SEMA5A: variants seen among roughly 807,000 people sequenced by gnomAD.
The protein encoded by SEMA5A is semaphorin 5A.
Under a neutral mutation model 135.5 loss-of-function variants are expected in SEMA5A, and 55 were observed. The observed-to-expected ratio is 0.41, with a 90% CI of 0.33 to 0.51. SEMA5A has a LOEUF of 0.51. Ranked by LOEUF, SEMA5A falls within the 20% of genes least tolerant of loss-of-function variation. SEMA5A has a pLI of 0.37. For synonymous variants in SEMA5A, 580 were observed against 546.5 expected (o/e 1.06, Z -0.85); for missense variants, 1,290 against 1,419.9 (o/e 0.91, Z 1.47).
chr5:9,315,976 A>C (rs2150661759), intron 5 of SEMA5A, among the ~76,000 whole-genome samples: 1 of 152,276 alleles, frequency 6.6e-6, no homozygotes, highest in Middle Eastern at 3.4e-3. Context: ...TTTTGCCTAA[A>C]TCGATTTTTA....
intron 1 of SEMA5A, among the ~76,000 whole-genome samples, chr5:9,502,232 T>A (rs1056625829): frequency 3.0e-4 from 45 of 152,180 alleles, no homozygotes; most frequent in African/African-American, 9.9e-4. Context: ...AGGGTTTATT[T>A]CTCTGTAGCA....
chr5:9,182,846 G>T (rs990812313), intron 11 of SEMA5A, among the ~76,000 whole-genome samples: 12 of 152,080 alleles, frequency 7.9e-5, no homozygotes, highest in African/African-American at 2.9e-4. Flanking sequence ...TCTCCAGGAT[G>T]TATAGATAGT....
chr5:9,471,234 C>T (rs138436753), intron 1 of SEMA5A, among the ~76,000 whole-genome samples: 7 of 152,082 alleles, frequency 4.6e-5, no homozygotes, highest in Admixed American at 1.3e-4. Flanking sequence ...TGAGGATGAA[C>T]GAGTGATGGG....
At chr5:9,544,130 T>C (rs990004940) in intron 1 of SEMA5A, among the ~76,000 whole-genome samples, 8 of 152,166 alleles carry the variant, frequency 5.3e-5, no homozygotes, top group Admixed American at 3.9e-4. Context: ...ACAGACTACC[T>C]CTATAATTAA....
chr5:9,213,210 C>T (rs565300691), intron 8 of SEMA5A, among the ~76,000 whole-genome samples: 18 of 152,326 alleles, frequency 1.2e-4, no homozygotes, highest in African/African-American at 4.3e-4. Context: ...TAACCTACGA[C>T]TTTTGGGAGG....
At chr5:9,055,881 A>T (rs941859857) in intron 18 of SEMA5A, among the ~76,000 whole-genome samples, 1 of 2,484 alleles carries the variant, frequency 4.0e-4, no homozygotes, top group Non-Finnish European at 7.8e-4. Context: ...TTAAAAATTA[A>T]AAAAAAAAAA....
rs1225742102 is a variant in SEMA5A, at chr5:9,190,285, T to C, written c.1255A>G (p.Ile419Val). The C allele has an allele frequency of 1.9e-6, 3 of 1,613,944 alleles. No individual in the cohort carries two copies. Among genetic ancestry groups the C allele is most frequent in the African/African-American group, 1.3e-5 (1 of 74,910 alleles). ...VVQGREALVH[I>V]IYLATDYGTI... is the part of the protein sequence containing the mutation. ...CTCCTACCTGTGGCCAAATAGATGA[T>C]GTGGACGAGCGCTTCTCTGCCCTGC... The change falls in exon 11 of 23, where the codon ATC (isoleucine) becomes GTC (valine). Residue 419 changes from isoleucine (I) to valine (V), a missense_variant. Ile to Val is a conservative substitution (Grantham distance 29). Transcript: ENST00000382496.
intron 16 of SEMA5A, among the ~76,000 whole-genome samples, chr5:9,107,895 C>G (rs1246989053): frequency 6.6e-6 from 1 of 152,022 alleles, no homozygotes; most frequent in Non-Finnish European, 1.5e-5. Context: ...CTGGACATGT[C>G]ATATTTATAG....
chr5:9,080,138 G>A (rs1038329314), intron 16 of SEMA5A, among the ~76,000 whole-genome samples: 1 of 152,118 alleles, frequency 6.6e-6, no homozygotes, highest in African/African-American at 2.4e-5. Flanking sequence ...CAAAGACCTG[G>A]AAACAACCCA....
intron 11 of SEMA5A, among the ~76,000 whole-genome samples, chr5:9,182,116 A>G (rs1340140736): frequency 6.6e-6 from 1 of 150,514 alleles, no homozygotes; most frequent in Non-Finnish European, 1.5e-5. Context: ...TTCCTATTTA[A>G]CATTTAATGC....
At chr5:9,255,588 C>G (rs1014822711) in intron 5 of SEMA5A, among the ~76,000 whole-genome samples, 4 of 152,178 alleles carry the variant, frequency 2.6e-5, no homozygotes, top group African/African-American at 9.6e-5. Flanking sequence ...CTCATCCTGT[C>G]CAGGTTTTCT....
chr5:9,336,111 C>G (rs1410354027), intron 4 of SEMA5A, among the ~76,000 whole-genome samples: 1 of 152,018 alleles, frequency 6.6e-6, no homozygotes, highest in Non-Finnish European at 1.5e-5. Context: ...TGGGAGTTTA[C>G]CAAGCAGATA....
chr5:9,209,310 C>T (rs960795794), intron 8 of SEMA5A, among the ~76,000 whole-genome samples: 5 of 152,182 alleles, frequency 3.3e-5, no homozygotes, highest in Non-Finnish European at 7.3e-5. Flanking sequence ...CCAAATCACA[C>T]ACTCCTATTA....
At chr5:9,067,512 A>G (rs1442964377) in intron 16 of SEMA5A, among the ~76,000 whole-genome samples, 2 of 152,232 alleles carry the variant, frequency 1.3e-5, no homozygotes, top group Non-Finnish European at 2.9e-5. Flanking sequence ...AGTGATGGCC[A>G]CAGGATTAAA....
At chr5:9,445,801 A>C (rs992437857) in intron 1 of SEMA5A, among the ~76,000 whole-genome samples, 19 of 152,238 alleles carry the variant, frequency 1.2e-4, no homozygotes, top group African/African-American at 4.6e-4. Context: ...GTGATGACAC[A>C]TGACCTCACA....
At chr5:9,326,781 T>A (rs967557743) in intron 4 of SEMA5A, among the ~76,000 whole-genome samples, 13 of 152,054 alleles carry the variant, frequency 8.5e-5, no homozygotes, top group Non-Finnish European at 1.3e-4. Flanking sequence ...TCTCAATAAA[T>A]AAATAAAATA....
rs149312008 is a variant in SEMA5A, at chr5:9,210,996, C to T, written c.647-8756G>A. 3.5e-3 allele frequency among the ~76,000 whole-genome samples: 529 copies of T among 152,290 alleles called. 2 individuals carry two copies. Among genetic ancestry groups the T allele is most frequent in the African/African-American group, 0.012 (503 of 41,546 alleles). On this transcript the variant is annotated intron_variant, in intron 8 of 22. Coordinates refer to ENST00000382496, the MANE Select transcript of SEMA5A (RefSeq NM_003966.3). ...AAAGATAATAAGATTAGATTTACAG[C>T]ACGATATCTGAACTGCAGCCATCCC...
intron 1 of SEMA5A, among the ~76,000 whole-genome samples, chr5:9,467,135 C>T (rs769968343): frequency 4.0e-5 from 6 of 151,792 alleles, no homozygotes; most frequent in African/African-American, 7.3e-5. Context: ...TTTTTTGAGA[C>T]GGAGTCTCGC....
intron 1 of SEMA5A, among the ~76,000 whole-genome samples, chr5:9,457,834 A>G (rs1273719097): frequency 2.6e-5 from 4 of 151,858 alleles, no homozygotes; most frequent in African/African-American, 9.7e-5. Flanking sequence ...AAAGGGTCAC[A>G]GGATAAGATT....
Sources: allele counts gnomAD v4.1 joint callset (sites outside exome capture counted in the v4.1 genomes callset), GRCh38; gene constraint gnomAD v4.1.1; transcripts MANE v1.5; gene names NCBI Gene and HGNC (gene_info 2026-07-23, HGNC 2026-07-21).